CPD: variants seen among roughly 807,000 people sequenced by gnomAD.
CPD encodes the protein carboxypeptidase D, also known as metallocarboxypeptidase D.
Under a neutral mutation model 138.3 loss-of-function variants are expected in CPD, and 69 were observed. The ratio of observed to expected loss-of-function variants is 0.50; its 90% CI spans 0.41 to 0.61. The LOEUF (loss-of-function observed/expected upper bound fraction) is 0.61. Among genes scored for constraint, CPD ranks in the 20% least tolerant of loss-of-function variants. CPD has a pLI of 0.00. For synonymous variants in CPD, 651 were observed against 642.1 expected, an observed-to-expected ratio of 1.01 and a Z score of -0.21; for missense variants, 1,432 against 1,733.3, an observed-to-expected ratio of 0.83 and a Z score of 3.09.
At chr17:30,407,322 T>G (rs1911827165) in intron 2 of CPD, among the ~76,000 whole-genome samples, 1 of 152,220 alleles carries the variant, frequency 6.6e-6, no homozygotes, top group South Asian at 2.1e-4. Context: ...ATCCTTTGGG[T>G]ATATACCCAG....
intron 2 of CPD, among the ~76,000 whole-genome samples, chr17:30,396,242 TTGTC>T: frequency 6.6e-6 from 1 of 152,298 alleles, no homozygotes; most frequent in Admixed American, 6.5e-5. Context: ...AGGGTAGAAA[TTGTC>T]TGTCTATATT....
intron 2 of CPD, among the ~76,000 whole-genome samples, chr17:30,414,079 G>A (rs1360274167): frequency 6.6e-6 from 1 of 152,224 alleles, no homozygotes; most frequent in Non-Finnish European, 1.5e-5. Context: ...AGGAAGGAAA[G>A]CTGGGTGATG....
At chr17:30,427,748 T>C (rs543491099) in intron 7 of CPD, among the ~76,000 whole-genome samples, 190 bp downstream of exon 7, 4 of 152,092 alleles carry the variant, frequency 2.6e-5, no homozygotes, top group South Asian at 4.2e-4. Flanking sequence ...CTTTCCTCCT[T>C]CTTTCTCTCT....
chr17:30,383,751 A>G (rs1243251569), intron 1 of CPD, among the ~76,000 whole-genome samples: 1 of 151,958 alleles, frequency 6.6e-6, no homozygotes, highest in Admixed American at 6.6e-5. Context: ...TCAAGCATAT[A>G]GAAAAATCTT....
chr17:30,389,934 G>A (rs1024515971), intron 2 of CPD, among the ~76,000 whole-genome samples: 7 of 152,166 alleles, frequency 4.6e-5, no homozygotes, highest in African/African-American at 1.7e-4. Flanking sequence ...AGTTTCAACA[G>A]GGTGAATTCA....
At chr17:30,424,074 C>T (rs1033624585) in intron 6 of CPD, among the ~76,000 whole-genome samples, 1 of 151,934 alleles carries the variant, frequency 6.6e-6, no homozygotes, top group African/African-American at 2.4e-5. Flanking sequence ...GCCCTCAGAC[C>T]CAGAGGACAT....
At chr17:30,421,582 T>G (rs1912266175) in intron 3 of CPD, 82 bp from the exon 4 acceptor site, 1 of 1,214,218 alleles carries the variant, frequency 8.2e-7, no homozygotes, top group South Asian at 1.3e-5. Context: ...TTTTTAGAAA[T>G]TCTAGTATCG....
At chr17:30,431,919 A>G (rs373418751) in intron 8 of CPD, 38 bp downstream of exon 8, 194 of 1,356,820 alleles carry the variant, frequency 1.4e-4, no homozygotes, top group Non-Finnish European at 2.0e-4. Context: ...TACAAAATTA[A>G]TTCTTTTATT....
chr17:30,430,793 G>T (rs1385688192), intron 7 of CPD, among the ~76,000 whole-genome samples: 4 of 151,524 alleles, frequency 2.6e-5, no homozygotes, highest in African/African-American at 9.7e-5. Flanking sequence ...AGCTGGAACT[G>T]CAGGCATGCA....
chr17:30,450,800 A>G (rs1310499736), intron 13 of CPD, among the ~76,000 whole-genome samples: 1 of 152,322 alleles, frequency 6.6e-6, no homozygotes, highest in African/African-American at 2.4e-5. Context: ...TCAAGACTGC[A>G]GTGAGCTGTG....
intron 2 of CPD, among the ~76,000 whole-genome samples, chr17:30,393,601 A>AT (rs1215934531): frequency 6.6e-6 from 1 of 152,212 alleles, no homozygotes; most frequent in Non-Finnish European, 1.5e-5. Flanking sequence ...CATAACTGTT[A>AT]GATCACAAAA....
In CPD at chr17:30,466,259, C is replaced by T. The variant is rs1913633355; in HGVS notation, c.*1445C>T. On this transcript the variant is annotated 3_prime_UTR_variant, in exon 21 of 21. Transcript: ENST00000225719. ...TATACTAAATCAGGGGACCAAAAAA[C>T]TTGCTCTTATCTTCTCAAATTGTAT... is the stretch of plus-strand genomic sequence containing the variant. 6.6e-6 allele frequency: 1 copy of T among 152,616 alleles called. No individual in the cohort carries two copies. The highest frequency in any genetic ancestry group is 2.4e-5 in the African/African-American group (1 of 41,438). The allele number at this position is 152,616 out of a possible 1,614,324, so 9.5% of individuals were successfully genotyped here.
In CPD at chr17:30,446,013, C is replaced by A; in HGVS notation, c.2866C>A (p.Leu956Ile). 2 of 1,568,106 alleles carry A rather than the reference C, an allele frequency of 1.3e-6. No homozygotes were observed. Among genetic ancestry groups the A allele is most frequent in the Non-Finnish European group, 1.7e-6 (2 of 1,154,448 alleles). The change falls in exon 12 of 21, where the codon CTT becomes ATT. Residue 956 changes from leucine (L) to isoleucine (I), a missense_variant. Physicochemically the swap from Leu to Ile is conservative, Grantham distance 5 (BLOSUM62 2). Transcript: ENST00000225719. ...LVMNYPHITNLTNLGQSTEYR... is the reference protein window; with the variant it reads ...LVMNYPHITNITNLGQSTEYR... The stretch of plus-strand genomic sequence containing the variant: ...AATGAACTATCCACATATTACAAAT[C>A]TTACCAAGTAAGTGTCACTTTCTAT...
chr17:30,411,057 T>C (rs1380396187), intron 2 of CPD, among the ~76,000 whole-genome samples: 1 of 152,184 alleles, frequency 6.6e-6, no homozygotes, highest in African/African-American at 2.4e-5. Flanking sequence ...GGTCTGGTGG[T>C]GACAAAATCT....
At chr17:30,394,688 G>A (rs1434613255) in intron 2 of CPD, among the ~76,000 whole-genome samples, 1 of 152,116 alleles carries the variant, frequency 6.6e-6, no homozygotes, top group Admixed American at 6.5e-5. Flanking sequence ...GGCATGTAGG[G>A]GAATGAAAAG....
At chr17:30,406,263 A>G (rs938925186) in intron 2 of CPD, among the ~76,000 whole-genome samples, 1 of 152,120 alleles carries the variant, frequency 6.6e-6, no homozygotes, top group African/African-American at 2.4e-5. Flanking sequence ...TATTAAAATC[A>G]GTCTATAAGA....
intron 2 of CPD, among the ~76,000 whole-genome samples, chr17:30,388,345 T>A (rs951249799): frequency 6.6e-6 from 1 of 152,174 alleles, no homozygotes; most frequent in African/African-American, 2.4e-5. Context: ...GGAGCTAGTC[T>A]GCCTCTTGCT....
intron 2 of CPD, among the ~76,000 whole-genome samples, chr17:30,407,774 C>T (rs868772937): frequency 1.3e-5 from 2 of 152,146 alleles, no homozygotes; most frequent in African/African-American, 2.4e-5. Context: ...GTTGCCTGTT[C>T]ACTCTGATGG....
rs79724779 is a variant in CPD, at chr17:30,436,653, A to G, written c.2128-2322A>G. 5.6e-4 allele frequency among the ~76,000 whole-genome samples: 85 copies of G among 152,360 alleles called. No homozygotes were observed. In the East Asian group the frequency reaches 0.016, roughly 29 times the overall value. ...GCAAAGGTGGAAAAATTGAAACCTTACATACATTGCTGGTGGGGTGTAAAA... is the reference window on the plus strand; with the variant it reads ...GCAAAGGTGGAAAAATTGAAACCTTGCATACATTGCTGGTGGGGTGTAAAA... On this transcript the variant is annotated intron_variant, in intron 8 of 20. Coordinates refer to ENST00000225719, the MANE Select transcript of CPD (RefSeq NM_001304.5).
Sources: gnomAD v4.1 joint callset for allele counts (sites outside exome capture counted in the v4.1 genomes callset) on GRCh38, gnomAD v4.1.1 for gene constraint, MANE v1.5 for transcripts, NCBI Gene and HGNC (gene_info 2026-07-23, HGNC 2026-07-21) for gene names.